Variants in ERBB4 observed in about 807,000 individuals in gnomAD.
ERBB4 encodes the protein receptor tyrosine-protein kinase erbB-4.
Under a neutral mutation model 158.0 loss-of-function variants are expected in ERBB4, and 42 were observed. That is an observed-to-expected ratio of 0.27 (90% CI 0.21 to 0.34). ERBB4 has a LOEUF of 0.34. Among genes scored for constraint, ERBB4 ranks in the 10% least tolerant of loss-of-function variants. ERBB4 has a pLI of 1.00. For synonymous variants in ERBB4, 583 were observed against 558.7 expected, an observed-to-expected ratio of 1.04 and a Z score of -0.61; for missense variants, 1,333 against 1,624.1, an observed-to-expected ratio of 0.82 and a Z score of 3.08.
At chr2:211,862,704 T>C (rs2078092277) in intron 3 of ERBB4, among the ~76,000 whole-genome samples, 1 of 152,184 alleles carries the variant, frequency 6.6e-6, no homozygotes. Context: ...AAAACTGATA[T>C]ATCAGATCAT....
At chr2:211,712,289 T>C (rs1234381117) in intron 8 of ERBB4, 113 bp from the exon 9 acceptor site, 4 of 1,046,556 alleles carry the variant, frequency 3.8e-6, no homozygotes, top group African/African-American at 3.2e-5. Flanking sequence ...ATATAAAATA[T>C]ATTACAAATT....
At chr2:212,045,603 C>T (rs763653198) in intron 2 of ERBB4, among the ~76,000 whole-genome samples, 51 of 152,304 alleles carry the variant, frequency 3.3e-4, no homozygotes, top group Non-Finnish European at 6.0e-4. Flanking sequence ...AAGTTTTAGC[C>T]TCAGGGAGGA....
At chr2:211,848,634 T>C (rs114175747) in intron 3 of ERBB4, among the ~76,000 whole-genome samples, 2,082 of 152,132 alleles carry the variant, frequency 0.014, 54 homozygotes, top group African/African-American at 0.047. Flanking sequence ...GTCAGTCTTA[T>C]AATACTACAA....
At chr2:212,204,114 A>AT (rs936129208) in intron 1 of ERBB4, among the ~76,000 whole-genome samples, 1 of 152,068 alleles carries the variant, frequency 6.6e-6, no homozygotes, top group African/African-American at 2.4e-5. Flanking sequence ...ACTCAGATCT[A>AT]TTTTTTCTCT....
At chr2:211,587,141 C>G (rs1325006839) in intron 19 of ERBB4, among the ~76,000 whole-genome samples, 1 of 151,034 alleles carries the variant, frequency 6.6e-6, no homozygotes, top group Non-Finnish European at 1.5e-5. Flanking sequence ...TCAAGGAGAT[C>G]AGGAGTTCAA....
At chr2:211,950,646 G>A (rs779493665) in intron 2 of ERBB4, among the ~76,000 whole-genome samples, 4 of 152,088 alleles carry the variant, frequency 2.6e-5, no homozygotes, top group Non-Finnish European at 4.4e-5. Context: ...GAGCAAAAGT[G>A]GAGAGGAATA....
chr2:212,516,680 A>T (rs1691863279), intron 1 of ERBB4, among the ~76,000 whole-genome samples: 1 of 152,092 alleles, frequency 6.6e-6, no homozygotes, highest in Non-Finnish European at 1.5e-5. Context: ...GTTTAAAATC[A>T]CCCAGATGTT....
intron 20 of ERBB4, among the ~76,000 whole-genome samples, chr2:211,491,368 G>A (rs34777036): frequency 0.33 from 50,271 of 151,760 alleles, 8,892 homozygotes; most frequent in African/African-American, 0.44. Flanking sequence ...CCTGCCTCAA[G>A]TTGAGGATTC....
chr2:211,489,981 G>C (rs1002261148), intron 20 of ERBB4, among the ~76,000 whole-genome samples: 1 of 151,984 alleles, frequency 6.6e-6, no homozygotes, highest in Non-Finnish European at 1.5e-5. Context: ...TAAAATTTAG[G>C]TGTGGCCAGT....
chr2:212,018,987 C>T (rs543741394), intron 2 of ERBB4, among the ~76,000 whole-genome samples: 1 of 152,150 alleles, frequency 6.6e-6, no homozygotes, highest in South Asian at 2.1e-4. Flanking sequence ...TATGGGAGCT[C>T]ATAACTACTG....
intron 1 of ERBB4, among the ~76,000 whole-genome samples, chr2:212,404,797 C>T (rs189193785): frequency 1.7e-3 from 256 of 152,126 alleles, no homozygotes; most frequent in African/African-American, 5.9e-3. Context: ...CCTCTCCCTC[C>T]TCCCACTCTC....
At chr2:212,286,476 T>C (rs1244799222) in intron 1 of ERBB4, among the ~76,000 whole-genome samples, 2 of 151,868 alleles carry the variant, frequency 1.3e-5, no homozygotes, top group Non-Finnish European at 2.9e-5. Context: ...ACAATACATA[T>C]AAAATATAAA....
chr2:211,552,228 A>AT (rs2067117490), intron 20 of ERBB4, among the ~76,000 whole-genome samples: 1 of 152,140 alleles, frequency 6.6e-6, no homozygotes, highest in Admixed American at 6.5e-5. Flanking sequence ...AAAAAAAAAA[A>AT]TTGAGAAAGT....
intron 1 of ERBB4, among the ~76,000 whole-genome samples, chr2:212,432,741 C>T (rs993730931): frequency 6.6e-6 from 1 of 152,104 alleles, no homozygotes; most frequent in Non-Finnish European, 1.5e-5. Flanking sequence ...TAATAACCCA[C>T]AGAAGTTGTG....
chr2:211,784,945 T>C (rs937739849), intron 4 of ERBB4, among the ~76,000 whole-genome samples: 12 of 152,184 alleles, frequency 7.9e-5, no homozygotes, highest in Admixed American at 3.3e-4. Context: ...GCTCACTTTT[T>C]CATTGGATTA....
chr2:212,326,017 A>G (rs2087812228), intron 1 of ERBB4, among the ~76,000 whole-genome samples: 1 of 150,612 alleles, frequency 6.6e-6, no homozygotes, highest in African/African-American at 2.4e-5. Flanking sequence ...TAAGCCCTTA[A>G]GTACAGAGCT....
At chr2:211,734,382 A>AT (rs2074531551) in intron 5 of ERBB4, among the ~76,000 whole-genome samples, 1 of 152,092 alleles carries the variant, frequency 6.6e-6, no homozygotes, top group Admixed American at 6.6e-5. Context: ...TTGATACATG[A>AT]TTTTTTGAAG....
At chr2:212,210,699 A>C (rs1427077969) in intron 1 of ERBB4, among the ~76,000 whole-genome samples, 1 of 152,080 alleles carries the variant, frequency 6.6e-6, no homozygotes, top group Non-Finnish European at 1.5e-5. Flanking sequence ...AGAGTCAGAT[A>C]ATGGATATTT....
chr2:211,437,203 G>T (rs1056901965), intron 20 of ERBB4, among the ~76,000 whole-genome samples: 3 of 152,112 alleles, frequency 2.0e-5, no homozygotes, highest in African/African-American at 7.2e-5. Flanking sequence ...GTAAGCCCTA[G>T]TAAGTTTTCA....
Sources: allele counts gnomAD v4.1 joint callset (sites outside exome capture counted in the v4.1 genomes callset), GRCh38; gene constraint gnomAD v4.1.1; transcripts MANE v1.5; gene names NCBI Gene and HGNC (gene_info 2026-07-23, HGNC 2026-07-21).